ARHGAP24: variants seen among roughly 807,000 people sequenced by gnomAD.
The protein encoded by ARHGAP24 is rho GTPase-activating protein 24.
Under a neutral mutation model 76.4 loss-of-function variants are expected in ARHGAP24, and 50 were observed. The ratio of observed to expected loss-of-function variants is 0.65; its 90% CI spans 0.52 to 0.83. The LOEUF (loss-of-function observed/expected upper bound fraction) is 0.83. ARHGAP24 is among the 40% of genes least tolerant of loss of function. ARHGAP24 has a pLI of 0.00. For missense variants in ARHGAP24, 930 were observed against 914.2 expected (o/e 1.02, Z -0.22); for synonymous variants, 345 against 323.3 (o/e 1.07, Z -0.72).
chr4:85,548,371 A>G (rs1250249341), intron 1 of ARHGAP24, among the ~76,000 whole-genome samples: 1 of 152,210 alleles, frequency 6.6e-6, no homozygotes, highest in Non-Finnish European at 1.5e-5. Flanking sequence ...CAGAAGCATT[A>G]GTGAATATAT....
chr4:85,846,840 T>C lies in ARHGAP24; in HGVS notation c.269-76808T>C, dbSNP rs1730922012. On this transcript the variant is annotated intron_variant, in intron 3 of 9. Coordinates refer to ENST00000395184, the MANE Select transcript of ARHGAP24 (RefSeq NM_001025616.3). ...TTACCCTTCAGTTATGGGACCACTTTTAGACTTATTCATTATTTATGTGTC... is the reference window on the plus strand; with the variant it reads ...TTACCCTTCAGTTATGGGACCACTTCTAGACTTATTCATTATTTATGTGTC... 2.0e-5 allele frequency among the ~76,000 whole-genome samples: 3 copies of C among 152,236 alleles called. No individual in the cohort carries two copies. The South Asian group carries it at 6.2e-4, about 31-fold the overall frequency.
At chr4:85,750,933 T>C (rs546620319) in intron 3 of ARHGAP24, among the ~76,000 whole-genome samples, 1 of 152,302 alleles carries the variant, frequency 6.6e-6, no homozygotes, top group Admixed American at 6.5e-5. Context: ...TCAAAGAGTG[T>C]TTTCTTTGCC....
chr4:85,503,857 G>A (rs1324853714), intron 1 of ARHGAP24, among the ~76,000 whole-genome samples: 4 of 152,190 alleles, frequency 2.6e-5, no homozygotes, highest in African/African-American at 9.7e-5. Context: ...GGCATTTAGT[G>A]CTATAAATTT....
At chr4:85,939,700 T>C (rs1338864122) in intron 4 of ARHGAP24, among the ~76,000 whole-genome samples, 1 of 152,080 alleles carries the variant, frequency 6.6e-6, no homozygotes, top group Non-Finnish European at 1.5e-5. Flanking sequence ...CTTGGGTTGT[T>C]GGGGAAAAAA....
chr4:85,856,622 C>T (rs941374427), intron 3 of ARHGAP24, among the ~76,000 whole-genome samples: 12 of 151,690 alleles, frequency 7.9e-5, no homozygotes, highest in African/African-American at 2.2e-4. Context: ...AGGCATGCAC[C>T]ACCACATCCC....
chr4:85,813,882 TGATA>T (rs1360184944), intron 3 of ARHGAP24, among the ~76,000 whole-genome samples: 4 of 149,504 alleles, frequency 2.7e-5, no homozygotes, highest in Non-Finnish European at 5.9e-5. Flanking sequence ...TTCATGCTGC[TGATA>T]AAGACATACC....
rs13137331 is a variant in ARHGAP24 at position 85,643,233 on chromosome 4, T to C, written c.180+72512T>C. On this transcript the variant is annotated intron_variant, in intron 2 of 9. Coordinates refer to ENST00000395184, the MANE Select transcript of ARHGAP24 (RefSeq NM_001025616.3). ...TTCTTTTTTATTTTCCGTTTTTTTG[T>C]GTTTTTTTTTTTTTTTTTTTTTTTT... Among the ~76,000 whole-genome samples the C allele has an allele frequency of 2.9e-4, 20 of 69,748 alleles. 2 individuals are homozygous for C. The highest frequency in any genetic ancestry group is 4.2e-4 in the Non-Finnish European group (17 of 40,942). The allele number at this position is 69,748 out of a possible 152,430, so 45.8% of individuals were successfully genotyped here. A position where few individuals can be genotyped will look rare whatever the true frequency, so the allele number is the denominator to read the frequency against.
chr4:85,621,535 CAT>C (rs1720719216), intron 2 of ARHGAP24, among the ~76,000 whole-genome samples: 1 of 152,008 alleles, frequency 6.6e-6, no homozygotes, highest in Non-Finnish European at 1.5e-5. Context: ...AGCATTTTTT[CAT>C]ATGTTTGTTG....
At chr4:85,544,899 C>G (rs1250152456) in intron 1 of ARHGAP24, among the ~76,000 whole-genome samples, 1 of 151,710 alleles carries the variant, frequency 6.6e-6, no homozygotes, top group Non-Finnish European at 1.5e-5. Flanking sequence ...GTCCAGTTCT[C>G]TTGAAAGTTG....
intron 3 of ARHGAP24, among the ~76,000 whole-genome samples, chr4:85,918,637 A>G (rs1011876086): frequency 3.3e-5 from 5 of 152,052 alleles, no homozygotes; most frequent in Admixed American, 6.6e-5. Context: ...GCTTTTCTTA[A>G]TCTAACTTTT....
At chr4:85,592,757 C>T (rs1318491761) in intron 2 of ARHGAP24, among the ~76,000 whole-genome samples, 1 of 152,136 alleles carries the variant, frequency 6.6e-6, no homozygotes, top group African/African-American at 2.4e-5. Context: ...CTTTCTGTTC[C>T]TGGCTTATTT....
chr4:85,983,391 A>G (rs1199439853), intron 8 of ARHGAP24, among the ~76,000 whole-genome samples: 1 of 152,170 alleles, frequency 6.6e-6, no homozygotes, highest in African/African-American at 2.4e-5. Context: ...CATTCCCACC[A>G]ATAGCATAAA....
chr4:85,996,067 A>T (rs986287929), intron 9 of ARHGAP24, among the ~76,000 whole-genome samples: 1 of 152,178 alleles, frequency 6.6e-6, no homozygotes, highest in Non-Finnish European at 1.5e-5. Context: ...GGGTAAAAAA[A>T]GTAGAAGTAA....
In ARHGAP24 at chr4:85,995,235, C is replaced by A; in HGVS notation, c.1581C>A (p.Asn527Lys). The A allele has an allele frequency of 6.2e-7, 1 of 1,614,060 alleles. No homozygotes were observed. ...AAGCTGGAGAGTTAGGCCAGCACAA[C>A]AGACTGTCCACCTATGATAATGTCC... ...KEQAGELGQH[N>K]RLSTYDNVHQ... Residue 527 changes from asparagine (N) to lysine (K), a missense_variant, in exon 9 of 10, where the codon AAC (asparagine) becomes AAA (lysine). Transcript: ENST00000395184.
At chr4:85,954,110 A>C (rs538559647) in intron 5 of ARHGAP24, among the ~76,000 whole-genome samples, 1 of 152,322 alleles carries the variant, frequency 6.6e-6, no homozygotes, top group South Asian at 2.1e-4. Context: ...CATTAAAACA[A>C]ATGAGCTGCC....
intron 3 of ARHGAP24, among the ~76,000 whole-genome samples, chr4:85,845,181 C>T (rs1730811309): frequency 6.6e-6 from 1 of 152,016 alleles, no homozygotes; most frequent in African/African-American, 2.4e-5. Context: ...TTTAATCTTC[C>T]CGGGAAATTT....
intron 2 of ARHGAP24, among the ~76,000 whole-genome samples, chr4:85,704,679 T>C (rs1724231006): frequency 6.6e-6 from 1 of 152,194 alleles, no homozygotes; most frequent in Non-Finnish European, 1.5e-5. Flanking sequence ...ATAAGTGGCA[T>C]CATATGGCAT....
chr4:85,964,322 A>C (rs1344052524), intron 5 of ARHGAP24, among the ~76,000 whole-genome samples: 15 of 152,140 alleles, frequency 9.9e-5, no homozygotes. Flanking sequence ...AAACAATTTT[A>C]CACAAGGGGA....
chr4:85,736,896 A>T, intron 3 of ARHGAP24, among the ~76,000 whole-genome samples: 1 of 152,202 alleles, frequency 6.6e-6, no homozygotes, highest in African/African-American at 2.4e-5. Flanking sequence ...CTATCCCACT[A>T]GTCTACCATC....
Sources: gnomAD v4.1 joint callset for allele counts (sites outside exome capture counted in the v4.1 genomes callset) on GRCh38, gnomAD v4.1.1 for gene constraint, MANE v1.5 for transcripts, NCBI Gene and HGNC (gene_info 2026-07-23, HGNC 2026-07-21) for gene names.